SLC35F1: variants seen among roughly 807,000 people sequenced by gnomAD.
SLC35F1 encodes the protein solute carrier family 35 member F1.
Under a neutral mutation model 48.7 loss-of-function variants are expected in SLC35F1, and 14 were observed. The observed-to-expected ratio is 0.29, with a 90% CI of 0.19 to 0.45. The LOEUF is 0.45. Ranked by LOEUF, SLC35F1 falls within the 20% of genes least tolerant of loss-of-function variation. The pLI is 1.00. For synonymous variants in SLC35F1, 190 were observed against 202.2 expected (o/e 0.94, Z 0.51); for missense variants, 404 against 500.0 (o/e 0.81, Z 1.83).
chr6:118,275,171 C>T (rs1163104589), intron 4 of SLC35F1, among the ~76,000 whole-genome samples: 1 of 152,250 alleles, frequency 6.6e-6, no homozygotes, highest in Non-Finnish European at 1.5e-5. Flanking sequence ...AAGTGAAAAT[C>T]TGATACCTGG....
intron 1 of SLC35F1, among the ~76,000 whole-genome samples, chr6:118,094,718 A>G (rs1442615078): frequency 6.6e-6 from 1 of 152,140 alleles, no homozygotes; most frequent in African/African-American, 2.4e-5. Context: ...CTGTAATCCC[A>G]GCACTTTGGG....
At chr6:118,159,553 T>C (rs1774197153) in intron 2 of SLC35F1, among the ~76,000 whole-genome samples, 1 of 152,118 alleles carries the variant, frequency 6.6e-6, no homozygotes, top group Admixed American at 6.5e-5. Context: ...AAAGATGACT[T>C]CTCCTTGTAT....
At chr6:118,092,640 C>G (rs975262191) in intron 1 of SLC35F1, among the ~76,000 whole-genome samples, 1 of 152,160 alleles carries the variant, frequency 6.6e-6, no homozygotes, top group Admixed American at 6.5e-5. Flanking sequence ...ATGGGCTGTA[C>G]CCTACAAAGC....
chr6:118,094,046 T>G (rs1409021263), intron 1 of SLC35F1, among the ~76,000 whole-genome samples: 1 of 152,228 alleles, frequency 6.6e-6, no homozygotes, highest in Non-Finnish European at 1.5e-5. Flanking sequence ...TGGAGGTTAA[T>G]CAGAGATAAT....
chr6:118,285,319 T>C lies in SLC35F1; in HGVS notation c.983T>C (p.Leu328Ser), dbSNP rs370380053. 1.2e-6 allele frequency: 2 copies of C among 1,613,858 alleles called. No homozygotes were observed. Among genetic ancestry groups the C allele is most frequent in the Admixed American group, 1.7e-5 (1 of 59,990 alleles). ...TADLYSLFCG[L>S]FLFHYKFSGL... ...GACTTGTACAGCCTGTTCTGTGGATTGTTTCTCTTCCACTACAAGGTAAGT... is the reference window on the plus strand; with the variant it reads ...GACTTGTACAGCCTGTTCTGTGGATCGTTTCTCTTCCACTACAAGGTAAGT... Residue 328 changes from leucine to serine, a missense_variant, in exon 7 of 8, where the codon TTG becomes TCG. Physicochemically the swap from Leu to Ser is moderately radical, Grantham distance 145. Transcript: ENST00000360388.
chr6:118,049,057 C>T (rs996624411), intron 1 of SLC35F1, among the ~76,000 whole-genome samples: 3 of 152,054 alleles, frequency 2.0e-5, no homozygotes, highest in African/African-American at 4.8e-5. Context: ...AGAAATAATG[C>T]CGCATATCTA....
chr6:118,093,387 T>C (rs577875044), intron 1 of SLC35F1, among the ~76,000 whole-genome samples: 1 of 152,162 alleles, frequency 6.6e-6, no homozygotes, highest in African/African-American at 2.4e-5. Flanking sequence ...TTTGGCTGTG[T>C]CCCCATCCAA....
intron 1 of SLC35F1, among the ~76,000 whole-genome samples, chr6:117,982,684 G>A (rs1484321327): frequency 6.6e-6 from 1 of 152,300 alleles, no homozygotes; most frequent in East Asian, 1.9e-4. Context: ...TGGCAGAATT[G>A]TATGAACATT....
intron 1 of SLC35F1, among the ~76,000 whole-genome samples, chr6:118,030,041 C>T (rs1026210816): frequency 6.6e-6 from 1 of 151,954 alleles, no homozygotes; most frequent in African/African-American, 2.4e-5. Flanking sequence ...AAAGGAGATA[C>T]AAGGTGTCGA....
intron 2 of SLC35F1, among the ~76,000 whole-genome samples, chr6:118,179,971 C>T (rs1316385324): frequency 2.0e-5 from 3 of 152,044 alleles, no homozygotes; most frequent in Non-Finnish European, 2.9e-5. Flanking sequence ...AGAGTAAATC[C>T]AGGAAACTCT....
chr6:118,072,600 T>G (rs373491370), intron 1 of SLC35F1, among the ~76,000 whole-genome samples: 3 of 152,296 alleles, frequency 2.0e-5, no homozygotes, highest in Admixed American at 1.3e-4. Context: ...TTTCTTTTTC[T>G]TAATCACATT....
chr6:117,971,204 C>G (rs1582592945), intron 1 of SLC35F1, among the ~76,000 whole-genome samples: 4 of 152,290 alleles, frequency 2.6e-5, no homozygotes. Context: ...CGTGCAAGTC[C>G]GAAATCCAAT....
At chr6:118,140,561 A>G (rs1773871837) in intron 1 of SLC35F1, among the ~76,000 whole-genome samples, 2 of 151,560 alleles carry the variant, frequency 1.3e-5, no homozygotes, top group South Asian at 4.2e-4. Flanking sequence ...TGTATTTACT[A>G]TACTATACTT....
At chr6:118,054,191 T>A (rs2114912318) in intron 1 of SLC35F1, among the ~76,000 whole-genome samples, 1 of 152,298 alleles carries the variant, frequency 6.6e-6, no homozygotes, top group East Asian at 1.9e-4. Context: ...TCATTATAAC[T>A]TTTTGCAATT....
At chr6:118,189,205 C>A (rs939975751) in intron 2 of SLC35F1, among the ~76,000 whole-genome samples, 66 of 152,134 alleles carry the variant, frequency 4.3e-4, no homozygotes, top group African/African-American at 1.5e-3. Flanking sequence ...GCCACCATGC[C>A]CAGTCCAACT....
At chr6:118,176,345 AGATT>A (rs2114503188) in intron 2 of SLC35F1, among the ~76,000 whole-genome samples, 1 of 152,052 alleles carries the variant, frequency 6.6e-6, no homozygotes, top group South Asian at 2.1e-4. Context: ...GATTGGGAGG[AGATT>A]GATTAATTCC....
chr6:117,993,257 C>T (rs779140637), intron 1 of SLC35F1, among the ~76,000 whole-genome samples: 8 of 152,082 alleles, frequency 5.3e-5, no homozygotes, highest in Non-Finnish European at 1.2e-4. Flanking sequence ...CCCCTACTCT[C>T]GAATCACTGC....
At chr6:118,118,611 A>G (rs1467965715) in intron 1 of SLC35F1, among the ~76,000 whole-genome samples, 1 of 152,142 alleles carries the variant, frequency 6.6e-6, no homozygotes, top group African/African-American at 2.4e-5. Context: ...TTTGTGAGAC[A>G]TCTCTTCAGA....
At chr6:117,910,561 G>A (rs1775748877) in intron 1 of SLC35F1, among the ~76,000 whole-genome samples, 1 of 152,180 alleles carries the variant, frequency 6.6e-6, no homozygotes, top group Admixed American at 6.5e-5. Context: ...TCCAAATCGG[G>A]AAGCTGGGAG....
Sources: allele counts gnomAD v4.1 joint callset (sites outside exome capture counted in the v4.1 genomes callset), GRCh38; gene constraint gnomAD v4.1.1; transcripts MANE v1.5; gene names NCBI Gene and HGNC (gene_info 2026-07-23, HGNC 2026-07-21).